The following ARHGAP6 variants were observed in gnomAD, a reference collection of about 807,000 sequenced individuals.
ARHGAP6 encodes Rho GTPase activating protein 6.
Under a neutral mutation model 55.7 loss-of-function variants are expected in ARHGAP6, and 16 were observed. The ratio of observed to expected loss-of-function variants is 0.29; its 90% CI spans 0.19 to 0.44. The LOEUF (loss-of-function observed/expected upper bound fraction) is 0.44, where lower values mean the gene tolerates loss of function less well. Among genes scored for constraint, ARHGAP6 ranks in the 20% least tolerant of loss-of-function variants. The probability of loss-of-function intolerance (pLI) is 1.00; values close to 1 mark genes in which losing one functional copy is unlikely to be tolerated. For missense variants in ARHGAP6, 698 were observed against 808.9 expected (o/e 0.86, Z 1.66); for synonymous variants, 382 against 360.9 (o/e 1.06, Z -0.66).
At chrX:11,572,143 G>A in intron 1 of ARHGAP6, among the ~76,000 whole-genome samples, 1 of 111,178 alleles carries the variant, frequency 9.0e-6, no homozygotes, top group Admixed American at 9.6e-5. Context: ...GTACTATCAG[G>A]ATAATCAAAT....
intron 1 of ARHGAP6, among the ~76,000 whole-genome samples, chrX:11,408,144 A>C (rs2049633205): frequency 9.0e-6 from 1 of 111,116 alleles, no homozygotes; most frequent in African/African-American, 3.3e-5. Context: ...TCCATTAGTC[A>C]AAGGTGTTAT....
intron 1 of ARHGAP6, among the ~76,000 whole-genome samples, chrX:11,545,748 G>T (rs62587981): frequency 0.2 from 22,333 of 111,054 alleles, 1,783 homozygotes; most frequent in Middle Eastern, 0.3. Context: ...TGGGCTCAAG[G>T]TAACTCCCCA....
At chrX:11,263,153 G>C (rs1358183684) in intron 1 of ARHGAP6, among the ~76,000 whole-genome samples, 1 of 110,321 alleles carries the variant, frequency 9.1e-6, no homozygotes, top group African/African-American at 3.3e-5. Context: ...TGAATATCTT[G>C]GTGCTGTCCT....
intron 1 of ARHGAP6, among the ~76,000 whole-genome samples, chrX:11,319,156 A>G (rs2048397118): frequency 9.0e-6 from 1 of 111,586 alleles, no homozygotes; most frequent in African/African-American, 3.3e-5. Context: ...ATCTATATCT[A>G]TGTCTATCTA....
rs142854065 is a variant in ARHGAP6, at chrX:11,386,523, T to C, written c.589-131816A>G. Among the ~76,000 whole-genome samples, 280 of 111,281 alleles carry C rather than the reference T, an allele frequency of 2.5e-3. 1 individual carries two copies. Among genetic ancestry groups the C allele is most frequent in the African/African-American group, 8.9e-3 (272 of 30,589 alleles). ...TGCCTGAGGCCTAGGATGGTTTGCC[T>C]GGCCCAGATCCACCGGCCATAATAG... On this transcript the variant is annotated intron_variant, in intron 1 of 12. Transcript: ENST00000337414.
In ARHGAP6 at chrX:11,138,982, C is replaced by G; in HGVS notation, c.2806G>C (p.Glu936Gln). The G allele has an allele frequency of 8.3e-7, 1 of 1,205,757 alleles. No homozygotes were observed. The change falls in exon 13 of 13, where the codon GAG (glutamate) becomes CAG (glutamine). Residue 936 changes from glutamate to glutamine, a missense_variant. Coordinates refer to ENST00000337414, the MANE Select transcript of ARHGAP6 (RefSeq NM_013427.3). ...LSSANSLPAG[E>Q]QDSPRLGDAG... is the part of the protein sequence containing the mutation. ...TCCCCCAGGCGCGGACTGTCCTGCT[C>G]GCCCGCTGGCAGGGAGTTGGCGCTG... is the stretch of plus-strand genomic sequence containing the variant.
Position 11,665,472 on chromosome X carries a change from GAGGCTCA to G in ARHGAP6, c.-651_-645del, listed in dbSNP as rs2052748249. ...TGCTGCGCCCACTCTTCCGACTGCA[GAGGCTCA>G]AGGGTTGTTCCAAGCTCAAGGTTCC... is the stretch of plus-strand genomic sequence containing the variant. On this transcript the variant is annotated 5_prime_UTR_variant, in exon 1 of 13. Transcript: ENST00000337414. 1 of 113,784 alleles carries G rather than the reference GAGGCTCA, an allele frequency of 8.8e-6. No homozygotes were observed. Among genetic ancestry groups the G allele is most frequent in the African/African-American group, 3.2e-5 (1 of 31,348 alleles). 9.4% of individuals were successfully genotyped at this position (113,784 alleles called of 1,213,427 possible). A position where few individuals can be genotyped will look rare whatever the true frequency, so the allele number is the denominator to read the frequency against.
chrX:11,452,268 C>A (rs1325737831), intron 1 of ARHGAP6, among the ~76,000 whole-genome samples: 4 of 111,991 alleles, frequency 3.6e-5, no homozygotes, highest in Non-Finnish European at 7.5e-5. Flanking sequence ...CTGCCTCAGC[C>A]TCCTGAGTAG....
At chrX:11,333,701 A>C (rs764042384) in intron 1 of ARHGAP6, among the ~76,000 whole-genome samples, 1 of 112,306 alleles carries the variant, frequency 8.9e-6, no homozygotes, top group South Asian at 3.7e-4. Flanking sequence ...TCCTTGCTGC[A>C]GTGGCAGCAA....
At chrX:11,575,959 G>C (rs917285300) in intron 1 of ARHGAP6, among the ~76,000 whole-genome samples, 1 of 112,239 alleles carries the variant, frequency 8.9e-6, no homozygotes, top group African/African-American at 3.2e-5. Context: ...CATATCTTGT[G>C]AATCTGACTT....
intron 1 of ARHGAP6, among the ~76,000 whole-genome samples, chrX:11,548,853 C>T (rs1189031392): frequency 8.9e-6 from 1 of 111,818 alleles, no homozygotes; most frequent in Non-Finnish European, 1.9e-5. Flanking sequence ...AGGTGATCCA[C>T]CTGCCTCAGC....
chrX:11,450,273 C>G lies in ARHGAP6; in HGVS notation c.589-195566G>C, dbSNP rs768382816. 3.7e-5 allele frequency among the ~76,000 whole-genome samples: 4 copies of G among 108,057 alleles called. No homozygotes were observed. The South Asian group carries it at 1.2e-3, about 34-fold the overall frequency. 93.8% of individuals were successfully genotyped at this position (108,057 alleles called of 115,157 possible). On this transcript the variant is annotated intron_variant, in intron 1 of 12. Transcript: ENST00000337414. ...TTGCTATCTATTGTATGTTTGATCCCAGGTTGATGAAAGGGTGATAGCTGA... is the reference window on the plus strand; with the variant it reads ...TTGCTATCTATTGTATGTTTGATCCGAGGTTGATGAAAGGGTGATAGCTGA...
At chrX:11,329,178 G>T (rs1407716715) in intron 1 of ARHGAP6, among the ~76,000 whole-genome samples, 1 of 111,767 alleles carries the variant, frequency 8.9e-6, no homozygotes, top group Non-Finnish European at 1.9e-5. Context: ...GGCAATGTTG[G>T]CACCAGAGTT....
intron 1 of ARHGAP6, among the ~76,000 whole-genome samples, chrX:11,315,327 C>T (rs1393424171): frequency 1.8e-5 from 2 of 111,931 alleles, no homozygotes; most frequent in Non-Finnish European, 3.8e-5. Flanking sequence ...AAGGAGCTTG[C>T]AACCAAGATC....
chrX:11,243,718 A>G (rs2047315776), intron 2 of ARHGAP6, among the ~76,000 whole-genome samples: 1 of 112,390 alleles, frequency 8.9e-6, no homozygotes, highest in African/African-American at 3.2e-5. Flanking sequence ...AGTGGTCTGA[A>G]AAGATTATAA....
chrX:11,541,251 A>G (rs2051154884), intron 1 of ARHGAP6, among the ~76,000 whole-genome samples: 1 of 111,484 alleles, frequency 9.0e-6, no homozygotes, highest in Non-Finnish European at 1.9e-5. Flanking sequence ...TTGTGTGGAA[A>G]GGAATGGGTG....
rs767825074 is a variant in ARHGAP6, at chrX:11,331,066, C to T, written c.589-76359G>A. 7.2e-5 allele frequency among the ~76,000 whole-genome samples: 8 copies of T among 111,784 alleles called. No homozygotes were observed. The East Asian group carries it at 1.7e-3, about 23-fold the overall frequency. ...CCATGGAAACTAGAATCCCTTTTCC[C>T]CAAGATAGATCATACAAATCAGAAC... is the stretch of plus-strand genomic sequence containing the variant. On this transcript the variant is annotated intron_variant, in intron 1 of 12. Coordinates refer to ENST00000337414, the MANE Select transcript of ARHGAP6 (RefSeq NM_013427.3).
At chrX:11,253,381 C>A (rs891930114) in intron 2 of ARHGAP6, among the ~76,000 whole-genome samples, 8 of 110,795 alleles carry the variant, frequency 7.2e-5, no homozygotes, top group Non-Finnish European at 1.3e-4. Context: ...TCCCCTCGAC[C>A]TCCTCCAAAA....
intron 1 of ARHGAP6, among the ~76,000 whole-genome samples, chrX:11,622,350 A>T (rs2052239678): frequency 8.9e-6 from 1 of 112,261 alleles, no homozygotes; most frequent in Admixed American, 9.4e-5. Context: ...TATGAAAGAA[A>T]ATTCTACTTT....
Sources: allele counts gnomAD v4.1 joint callset (sites outside exome capture counted in the v4.1 genomes callset), GRCh38; gene constraint gnomAD v4.1.1; transcripts MANE v1.5; gene names NCBI Gene and HGNC (gene_info 2026-07-23, HGNC 2026-07-21).